The following FAM161A variants were observed in gnomAD, a reference collection of about 807,000 sequenced individuals.
The protein encoded by FAM161A is FAM161 centrosomal protein A.
In FAM161A, 57 loss-of-function variants were observed where a neutral mutation model predicts 70.9. The observed-to-expected ratio is 0.80, with a 90% CI of 0.65 to 1.00. The LOEUF is 1.00. FAM161A is among the 50% of genes least tolerant of loss of function. FAM161A has a pLI of 0.00. For synonymous variants in FAM161A, 299 were observed against 295.7 expected (o/e 1.01, Z -0.12); for missense variants, 880 against 836.0 (o/e 1.05, Z -0.65).
chr2:61,825,476 T>TA lies in FAM161A; in HGVS notation c.*978dup. Reference sequence around the variant, plus strand: ...TTCCATCTGTAATAATACATAGGGTTAAAAAAACTAGTATAAAAACTTTCC... The same window carrying TA: ...TTCCATCTGTAATAATACATAGGGTTAAAAAAAACTAGTATAAAAACTTTCC... On this transcript the variant is annotated 3_prime_UTR_variant, in exon 7 of 7. Transcript: ENST00000404929. The TA allele has an allele frequency of 2.2e-6, 1 of 449,184 alleles. No homozygotes were observed. The allele number at this position is 449,184 out of a possible 1,614,324, so 27.8% of individuals were successfully genotyped here.
the FAM161A span, among the ~76,000 whole-genome samples, chr2:61,801,454 G>A: frequency 6.6e-6 from 1 of 150,448 alleles, no homozygotes; most frequent in African/African-American, 2.5e-5. Context: ...CCAAAATCAT[G>A]CCACTGTAGT....
the FAM161A span, among the ~76,000 whole-genome samples, chr2:61,816,134 C>T: frequency 3.3e-5 from 5 of 152,120 alleles, no homozygotes; most frequent in African/African-American, 1.2e-4. Context: ...GCAGTGAGAC[C>T]TCCATTGACG....
the FAM161A span, among the ~76,000 whole-genome samples, chr2:61,817,171 C>T: frequency 2.0e-5 from 3 of 152,212 alleles, no homozygotes; most frequent in African/African-American, 7.2e-5. Context: ...TCGCTTTCTT[C>T]GCATGGAATT....
At chr2:61,820,898 T>C (rs550159383), downstream of FAM161A, among the ~76,000 whole-genome samples, 1 of 152,272 alleles carries the variant, frequency 6.6e-6, no homozygotes, top group African/African-American at 2.4e-5. Context: ...CTTTAACATA[T>C]GTAAGTGTTG....
In FAM161A at chr2:61,826,374, G is replaced by T; in HGVS notation, c.*81C>A. 1 of 1,493,212 alleles carries T rather than the reference G, an allele frequency of 6.7e-7. No individual in the cohort carries two copies. Among genetic ancestry groups the T allele is most frequent in the South Asian group, 1.2e-5 (1 of 85,238 alleles). The allele number at this position is 1,493,212 out of a possible 1,614,324, so 92.5% of individuals were successfully genotyped here. On this transcript the variant is annotated 3_prime_UTR_variant, in exon 7 of 7. Transcript: ENST00000404929. ...TGCACATATCAGAAGCGTCCCCACAGATGTTCTAAACACAAATGCGGCTGC... is the reference window on the plus strand; with the variant it reads ...TGCACATATCAGAAGCGTCCCCACATATGTTCTAAACACAAATGCGGCTGC...
rs531709417 is a variant in FAM161A, at chr2:61,840,283, G to C, written c.721C>G (p.Pro241Ala). Residue 241 changes from proline (P) to alanine (A), a missense_variant, in exon 3 of 7, where the codon CCT becomes GCT. By Grantham distance (27) the Pro-to-Ala change is conservative (BLOSUM62 -1). Coordinates refer to ENST00000404929, the MANE Select transcript of FAM161A (RefSeq NM_001201543.2). Reference sequence around the variant, plus strand: ...TGTTCTCTTATCATCATTTGAAAAGGCTCCGGTACTGTAATTGTGGGCACC... The same window carrying C: ...TGTTCTCTTATCATCATTTGAAAAGCCTCCGGTACTGTAATTGTGGGCACC... ...EWVPTITVPEPFQMMIREQKK... is the reference protein window; with the variant it reads ...EWVPTITVPEAFQMMIREQKK... The C allele has an allele frequency of 4.8e-5, 77 of 1,613,842 alleles. No individual in the cohort carries two copies. Among genetic ancestry groups the C allele is most frequent in the Non-Finnish European group, 5.8e-5 (69 of 1,180,012 alleles).
At chr2:61,803,433 T>C in the FAM161A span, 8 of 670,480 alleles carry the variant, frequency 1.2e-5, no homozygotes, top group Admixed American at 2.1e-5. Flanking sequence ...TCAGGGGTAC[T>C]GCAAAGGCCA....
intron 1 of FAM161A, among the ~76,000 whole-genome samples, chr2:61,851,415 C>T (rs561845922): frequency 2.6e-4 from 39 of 152,270 alleles, no homozygotes; most frequent in African/African-American, 9.4e-4. Flanking sequence ...CAGCTCACTG[C>T]AACCTCCGCC....
intron 5 of FAM161A, among the ~76,000 whole-genome samples, chr2:61,829,185 C>T (rs1452034739): frequency 6.6e-6 from 1 of 152,204 alleles, no homozygotes; most frequent in Non-Finnish European, 1.5e-5. Context: ...GTGGTAGAAC[C>T]AAGTCTCTTG....
chr2:61,823,303 A>G (rs1384118739), downstream of FAM161A, among the ~76,000 whole-genome samples: 1 of 147,294 alleles, frequency 6.8e-6, no homozygotes, highest in Non-Finnish European at 1.5e-5. Flanking sequence ...ACTGCACTCC[A>G]GACTGGGCGA....
the FAM161A span, among the ~76,000 whole-genome samples, chr2:61,817,220 CT>C: frequency 6.6e-6 from 1 of 152,138 alleles, no homozygotes; most frequent in Admixed American, 6.5e-5. Flanking sequence ...CTGTGAGTCG[CT>C]TCACAGATCA....
intron 1 of FAM161A, among the ~76,000 whole-genome samples, chr2:61,853,199 C>T (rs1673557383): frequency 6.6e-6 from 1 of 152,154 alleles, no homozygotes; most frequent in African/African-American, 2.4e-5. Flanking sequence ...CACGAGCCAC[C>T]GCGCCCGGCC....
chr2:61,821,575 T>C (rs1672203424), downstream of FAM161A, among the ~76,000 whole-genome samples: 1 of 152,018 alleles, frequency 6.6e-6, no homozygotes, highest in Admixed American at 6.6e-5. Flanking sequence ...TCTATATTAG[T>C]TGTAAAATAG....
intron 6 of FAM161A, 60 bp downstream of exon 6, chr2:61,827,044 C>T: frequency 1.3e-6 from 2 of 1,548,178 alleles, no homozygotes; most frequent in South Asian, 1.1e-5. Flanking sequence ...TAAAATTGTG[C>T]TTTTCTGCAG....
the FAM161A span, among the ~76,000 whole-genome samples, chr2:61,804,814 G>GAAAGAAAGAAAGAAAGAAAGAAAGAA: frequency 7.0e-6 from 1 of 142,728 alleles, no homozygotes; most frequent in Non-Finnish European, 1.5e-5. Context: ...AAGAAAGAAA[G>GAAAGAAAGAAAGAAAGAAAGAAAGAA]AAAGAGAAAG....
At chr2:61,841,890 C>G (rs1673031630) in intron 2 of FAM161A, among the ~76,000 whole-genome samples, 1 of 152,176 alleles carries the variant, frequency 6.6e-6, no homozygotes, top group South Asian at 2.1e-4. Context: ...GCCCTCAGTT[C>G]TATGGGTGGG....
intron 5 of FAM161A, among the ~76,000 whole-genome samples, chr2:61,828,280 A>C (rs1418297396): frequency 2.8e-5 from 1 of 36,102 alleles, no homozygotes; most frequent in East Asian, 1.9e-3. Context: ...GTATAAAGAT[A>C]TCTGAAAAAA....
At chr2:61,829,475 CAAT>C (rs1672492637) in intron 5 of FAM161A, among the ~76,000 whole-genome samples, 1 of 151,964 alleles carries the variant, frequency 6.6e-6, no homozygotes, top group African/African-American at 2.4e-5. Context: ...CTGTGAATAA[CAAT>C]AATATTTTTT....
rs985223594 is a variant in FAM161A at position 61,826,065 on chromosome 2, C to A, written c.*390G>T. 4 of 459,332 alleles carry A rather than the reference C, an allele frequency of 8.7e-6. No individual in the cohort carries two copies. The highest frequency in any genetic ancestry group is 6.0e-5 in the African/African-American group (3 of 50,214). The allele number at this position is 459,332 out of a possible 1,614,324, so 28.5% of individuals were successfully genotyped here. A position where few individuals can be genotyped will look rare whatever the true frequency, so the allele number is the denominator to read the frequency against. ...AAAAATAGTTATTGATTCACACTTT[C>A]CAAAATTTTTAAAAAGTAAACCACC... is the stretch of plus-strand genomic sequence containing the variant. On this transcript the variant is annotated 3_prime_UTR_variant, in exon 7 of 7. Transcript: ENST00000404929.
Sources: gnomAD v4.1 joint callset for allele counts (sites outside exome capture counted in the v4.1 genomes callset) on GRCh38, gnomAD v4.1.1 for gene constraint, MANE v1.5 for transcripts, NCBI Gene and HGNC (gene_info 2026-07-23, HGNC 2026-07-21) for gene names.